Variants in LLGL1 observed in about 807,000 individuals in gnomAD.
LLGL1 encodes lethal(2) giant larvae protein homolog 1.
In LLGL1, 58 loss-of-function variants were observed where a neutral mutation model predicts 110.6. The ratio of observed to expected loss-of-function variants is 0.52; its 90% CI spans 0.42 to 0.65. The LOEUF is 0.65. LLGL1 is among the 30% of genes least tolerant of loss of function. The pLI is 0.00. For missense variants in LLGL1, 1,229 were observed against 1,462.1 expected, an observed-to-expected ratio of 0.84 and a Z score of 2.60; for synonymous variants, 674 against 607.2, an observed-to-expected ratio of 1.11 and a Z score of -1.62.
rs1063690 is a variant in LLGL1 at position 18,240,849 on chromosome 17, C to T, written c.2478C>T (p.Leu826=). 2 of 1,547,266 alleles carry T rather than the reference C, an allele frequency of 1.3e-6. No homozygotes were observed. The highest frequency in any genetic ancestry group is 1.8e-6 in the Non-Finnish European group (2 of 1,140,876). The change falls in exon 17 of 23, where the codon CTC becomes CTT. Residue 826 remains leucine (L), a synonymous_variant. Coordinates refer to ENST00000316843, the MANE Select transcript of LLGL1 (RefSeq NM_004140.4). This position sits in a 1 kb window ranked among gnomAD's most constrained non-coding sequence, Gnocchi z 5.3. The part of the protein sequence containing the change: ...APDMQGGHAV[L]IASEEQFKVF... Reference sequence around the variant, plus strand: ...ACATGCAGGGTGGTCACGCTGTGCTCATCGCATCTGAGGAGCAGTTCAAGG... The same window carrying T: ...ACATGCAGGGTGGTCACGCTGTGCTTATCGCATCTGAGGAGCAGTTCAAGG...
chr17:18,234,087 C>A lies in LLGL1; in HGVS notation c.626C>A (p.Thr209Lys). ...ESLQGHLRDPTKILIGYSRGL... is the reference protein window; with the variant it reads ...ESLQGHLRDPKKILIGYSRGL... ...CTCCAGGGACACCTGCGGGACCCCA[C>A]AAAGATTCTCATTGGCTACAGCCGG... is the stretch of plus-strand genomic sequence containing the variant. The change falls in exon 6 of 23, where the codon ACA (threonine) becomes AAA (lysine). Residue 209 changes from threonine to lysine, a missense_variant. Physicochemically the swap from Thr to Lys is moderately conservative, Grantham distance 78 (BLOSUM62 -1). Transcript: ENST00000316843. 6.2e-7 allele frequency: 1 copy of A among 1,612,048 alleles called. No homozygotes were observed. The highest frequency in any genetic ancestry group is 8.5e-7 in the Non-Finnish European group (1 of 1,178,986).
intron 7 of LLGL1, 113 bp from the exon 8 acceptor site, chr17:18,234,536 C>A: frequency 6.3e-7 from 1 of 1,576,360 alleles, no homozygotes; most frequent in Non-Finnish European, 8.7e-7. Context: ...CCGCCGACTT[C>A]CCGGGGAGGC....
At position 18,225,674 on chromosome 17, in the gene LLGL1, G is replaced by A; in HGVS notation, c.-9G>A. On this transcript the variant is annotated 5_prime_UTR_variant, in exon 1 of 23. Coordinates refer to ENST00000316843, the MANE Select transcript of LLGL1 (RefSeq NM_004140.4). ...GGCGGCGGGCGAGGCGCCTGCAGCC[G>A]GGCGCAAGATGATGAAGTTTCGGTT... 9.9e-7 allele frequency: 1 copy of A among 1,006,296 alleles called. No homozygotes were observed. The allele number at this position is 1,006,296 out of a possible 1,614,324, so 62.3% of individuals were successfully genotyped here.
intron 20 of LLGL1, 88 bp from the exon 21 acceptor site, chr17:18,242,420 G>A (rs2047861119): frequency 6.3e-7 from 1 of 1,584,254 alleles, no homozygotes; most frequent in Non-Finnish European, 8.6e-7. Context: ...CCCTCACCAT[G>A]GGCTGCCTTA....
Position 18,235,490 on chromosome 17 carries a change from C to A in LLGL1, c.1305C>A (p.Gly435=). 2 of 1,614,042 alleles carry A rather than the reference C, an allele frequency of 1.2e-6. No individual in the cohort carries two copies. The highest frequency in any genetic ancestry group is 1.7e-6 in the Non-Finnish European group (2 of 1,180,000). Reference sequence around the variant, plus strand: ...CCCAGAGCTGGCCCATCACTGGGGGCCGAAACCTGGCCCAGGAGCCGTCAC... The same window carrying A: ...CCCAGAGCTGGCCCATCACTGGGGGACGAAACCTGGCCCAGGAGCCGTCAC... ...SSALSWPITG[G]RNLAQEPSQR... The change falls in exon 11 of 23, where the codon GGC becomes GGA. Residue 435 remains glycine (G), a synonymous_variant. Coordinates refer to ENST00000316843, the MANE Select transcript of LLGL1 (RefSeq NM_004140.4).
rs2047724922 is a variant in LLGL1 at position 18,237,616 on chromosome 17, T to C, written c.1747T>C (p.Trp583Arg). ...RLSPRTGPLPWPAGFQPRVLV... is the reference protein window; with the variant it reads ...RLSPRTGPLPRPAGFQPRVLV... ...GAGCCCACGCACGGGGCCGCTGCCC[T>C]GGCCTGCTGGCTTCCAGCCCCGTGT... is the stretch of plus-strand genomic sequence containing the variant. Residue 583 changes from tryptophan (W) to arginine (R), a missense_variant, in exon 14 of 23, where the codon TGG (tryptophan) becomes CGG (arginine). Physicochemically the swap from Trp to Arg is moderately radical, Grantham distance 101. Coordinates refer to ENST00000316843, the MANE Select transcript of LLGL1 (RefSeq NM_004140.4). 6.2e-7 allele frequency: 1 copy of C among 1,611,428 alleles called. No individual in the cohort carries two copies.
intron 1 of LLGL1, among the ~76,000 whole-genome samples, chr17:18,226,212 G>T (rs1367140478): frequency 6.6e-6 from 1 of 151,960 alleles, no homozygotes; most frequent in African/African-American, 2.4e-5. Flanking sequence ...TTCTCTTGCT[G>T]CCTGTGCGTC....
rs970725209 is a variant in LLGL1 at position 18,228,966 on chromosome 17, G to T, written c.82-975G>T. Among the ~76,000 whole-genome samples the T allele has an allele frequency of 4.6e-5, 7 of 152,292 alleles. No individual in the cohort carries two copies. The East Asian group carries it at 1.4e-3, about 29-fold the overall frequency. On this transcript the variant is annotated intron_variant, in intron 1 of 22. Transcript: ENST00000316843. ...GAGGCAGGCAGGGAGGGAGGTTCGC[G>T]TTACAGGCTGGGAACTGGGGTTTCT...
In LLGL1 at chr17:18,240,556, C is replaced by T; in HGVS notation, c.2207-22C>T. On this transcript the variant is annotated intron_variant, in intron 16 of 22. Transcript: ENST00000316843. The surrounding 1 kb of genome is among the most constrained non-coding windows in gnomAD (Gnocchi z 5.3). ...ATGCCTGGCCCACAGGGAGCACCCTCCTACGCGCTTGTTTTCTGCAGGGGC... is the reference window on the plus strand; with the variant it reads ...ATGCCTGGCCCACAGGGAGCACCCTTCTACGCGCTTGTTTTCTGCAGGGGC... The T allele has an allele frequency of 1.9e-6, 3 of 1,569,054 alleles. No individual in the cohort carries two copies. Among genetic ancestry groups the T allele is most frequent in the Non-Finnish European group, 2.6e-6 (3 of 1,154,466 alleles).
Position 18,234,308 on chromosome 17 carries a change from C to T in LLGL1, c.750C>T (p.Ser250=), listed in dbSNP as rs747207775. The change falls in exon 7 of 23, where the codon AGC becomes AGT. Residue 250 remains serine (S), a synonymous_variant. Coordinates refer to ENST00000316843, the MANE Select transcript of LLGL1 (RefSeq NM_004140.4). ...LESLCWGRDS[S]TVVSSHSDGS... ...GCCTATGCTGGGGGCGTGATAGCAGCACTGTGGTCAGCTCACACAGCGATG... is the reference window on the plus strand; with the variant it reads ...GCCTATGCTGGGGGCGTGATAGCAGTACTGTGGTCAGCTCACACAGCGATG... The T allele has an allele frequency of 6.2e-7, 1 of 1,609,900 alleles. No individual in the cohort carries two copies. Among genetic ancestry groups the T allele is most frequent in the Non-Finnish European group, 8.5e-7 (1 of 1,178,392 alleles).
At position 18,241,934 on chromosome 17, in the gene LLGL1, C is replaced by T; in HGVS notation, c.2817C>T (p.Ala939=). Residue 939 remains alanine (A), a synonymous_variant, in exon 19 of 23, where the codon GCC becomes GCT. Transcript: ENST00000316843. Reference sequence around the variant, plus strand: ...AATTTGAACGCTTCTCCCTAAGTGCCCGGAACATCACAGAGCCGCTCTGCT... The same window carrying T: ...AATTTGAACGCTTCTCCCTAAGTGCTCGGAACATCACAGAGCCGCTCTGCT... ...PSEFERFSLS[A]RNITEPLCSL... is the part of the protein sequence containing the mutation. 6.2e-7 allele frequency: 1 copy of T among 1,614,158 alleles called. No homozygotes were observed.
chr17:18,233,358 G>A (rs1465468783), intron 4 of LLGL1, among the ~76,000 whole-genome samples: 6 of 152,152 alleles, frequency 3.9e-5, no homozygotes, highest in African/African-American at 1.4e-4. Context: ...ACCAACCCAG[G>A]GATGGATTCC....
At chr17:18,237,151 G>T (rs1264812011) in intron 13 of LLGL1, 2 of 601,214 alleles carry the variant, frequency 3.3e-6, no homozygotes, top group South Asian at 4.0e-5. Context: ...ACTCATGTCA[G>T]TGCTGTGCTC....
intron 15 of LLGL1, 74 bp from the exon 16 acceptor site, chr17:18,238,382 A>C: frequency 6.4e-7 from 1 of 1,570,224 alleles, no homozygotes; most frequent in Admixed American, 1.7e-5. Flanking sequence ...ATGGTAACAG[A>C]ACGTAGGGCG....
chr17:18,232,799 C>G lies in LLGL1; in HGVS notation c.389C>G (p.Ala130Gly). 6.2e-7 allele frequency: 1 copy of G among 1,613,870 alleles called. No individual in the cohort carries two copies. Among genetic ancestry groups the G allele is most frequent in the Non-Finnish European group, 8.5e-7 (1 of 1,179,994 alleles). Residue 130 changes from alanine to glycine, a missense_variant, in exon 4 of 23, where the codon GCC (alanine) becomes GGC (glycine). Coordinates refer to ENST00000316843, the MANE Select transcript of LLGL1 (RefSeq NM_004140.4). ...QLPSRPGFDGASAPLSLTRVT... is the reference protein window; with the variant it reads ...QLPSRPGFDGGSAPLSLTRVT... Reference sequence around the variant, plus strand: ...CCCAGCCGGCCCGGCTTTGATGGTGCCAGGTACTGGAGAACTTGGCTGGGG... The same window carrying G: ...CCCAGCCGGCCCGGCTTTGATGGTGGCAGGTACTGGAGAACTTGGCTGGGG...
In LLGL1 at chr17:18,240,561, G is replaced by T; in HGVS notation, c.2207-17G>T. 6.4e-7 allele frequency: 1 copy of T among 1,574,254 alleles called. No individual in the cohort carries two copies. On this transcript the variant is annotated splice_polypyrimidine_tract_variant and intron_variant, in intron 16 of 22. Coordinates refer to ENST00000316843, the MANE Select transcript of LLGL1 (RefSeq NM_004140.4). This position sits in a 1 kb window ranked among gnomAD's most constrained non-coding sequence, Gnocchi z 5.3. ...TGGCCCACAGGGAGCACCCTCCTAC[G>T]CGCTTGTTTTCTGCAGGGGCCCACC... is the stretch of plus-strand genomic sequence containing the variant.
In LLGL1 at chr17:18,235,547, C is replaced by A. The variant is rs540024269; in HGVS notation, c.1352+10C>A. ...GGCTGCTGCTGACGGGGTAGGTGTG[C>A]GTGCTTATGTGGGTGAGTGGGCCCC... On this transcript the variant is annotated intron_variant, in intron 11 of 22. Transcript: ENST00000316843. 2 of 1,612,030 alleles carry A rather than the reference C, an allele frequency of 1.2e-6. No individual in the cohort carries two copies. The highest frequency in any genetic ancestry group is 1.7e-6 in the Non-Finnish European group (2 of 1,179,022).
rs1363857624 is a variant in LLGL1 at position 18,232,665 on chromosome 17, A to T, written c.262-7A>T. 1.2e-6 allele frequency: 2 copies of T among 1,613,922 alleles called. No individual in the cohort carries two copies. The highest frequency in any genetic ancestry group is 1.3e-5 in the African/African-American group (1 of 74,906). On this transcript the variant is annotated splice_polypyrimidine_tract_variant and splice_region_variant and intron_variant, in intron 3 of 22. Coordinates refer to ENST00000316843, the MANE Select transcript of LLGL1 (RefSeq NM_004140.4). Reference sequence around the variant, plus strand: ...CAGCCTAGTTTTCATCTCTGCTCACACACCAGGGCCGCCTCCTGTCCCTGC... The same window carrying T: ...CAGCCTAGTTTTCATCTCTGCTCACTCACCAGGGCCGCCTCCTGTCCCTGC...
At position 18,236,905 on chromosome 17, in the gene LLGL1, C is replaced by T; in HGVS notation, c.1577C>T (p.Thr526Ile). 1 of 1,613,690 alleles carries T rather than the reference C, an allele frequency of 6.2e-7. No individual in the cohort carries two copies. Among genetic ancestry groups the T allele is most frequent in the East Asian group, 2.2e-5 (1 of 44,878 alleles). The change falls in exon 13 of 23, where the codon ACA becomes ATA. Residue 526 changes from threonine (T) to isoleucine (I), a missense_variant. Thr to Ile is a moderately conservative substitution (Grantham distance 89). Transcript: ENST00000316843. The stretch of plus-strand genomic sequence containing the variant: ...CAGAAGGTTGCTCTCTGCAAGTATA[C>T]AGCCCAGATGGTGGTGGCTGGCACT... Reference protein sequence around the residue: ...GVQKVALCKYTAQMVVAGTAG... With the variant: ...GVQKVALCKYIAQMVVAGTAG...
Sources: allele counts gnomAD v4.1 joint callset (sites outside exome capture counted in the v4.1 genomes callset), GRCh38; gene constraint gnomAD v4.1.1; non-coding constraint Gnocchi (gnomAD v3.1); transcripts MANE v1.5; gene names NCBI Gene and HGNC (gene_info 2026-07-23, HGNC 2026-07-21).